The following SYTL3 variants were observed in gnomAD, a reference collection of about 807,000 sequenced individuals.
SYTL3 encodes the protein synaptotagmin-like protein 3.
In SYTL3, 88 loss-of-function variants were observed where a neutral mutation model predicts 82.1. That is an observed-to-expected ratio of 1.07 (90% CI 0.90 to 1.28). SYTL3 has a LOEUF of 1.28. Ranked by LOEUF, SYTL3 falls within the 50% of genes most tolerant of loss-of-function variation. SYTL3 has a pLI of 0.00. For missense variants in SYTL3, 831 were observed against 757.6 expected, an observed-to-expected ratio of 1.10 and a Z score of -1.14; for synonymous variants, 311 against 289.4, an observed-to-expected ratio of 1.07 and a Z score of -0.76.
intron 10 of SYTL3, among the ~76,000 whole-genome samples, chr6:158,722,824 C>T (rs903535520): frequency 1.5e-5 from 2 of 135,424 alleles, no homozygotes; most frequent in African/African-American, 2.9e-5. Flanking sequence ...AGACAGCGAG[C>T]GAACAGTCTG....
At chr6:158,749,505 CTCTTTTT>C (rs1314203969) in intron 12 of SYTL3, among the ~76,000 whole-genome samples, 2 of 94,314 alleles carry the variant, frequency 2.1e-5, no homozygotes, top group African/African-American at 7.9e-5. Context: ...TTTTCTTTCT[CTCTTTTT>C]TTTTTTTTTT....
intron 5 of SYTL3, among the ~76,000 whole-genome samples, chr6:158,672,374 T>A (rs942354208): frequency 6.6e-6 from 1 of 152,214 alleles, no homozygotes; most frequent in Non-Finnish European, 1.5e-5. Context: ...TCCGTGGTCT[T>A]CCTTCATGAG....
intron 2 of SYTL3, among the ~76,000 whole-genome samples, chr6:158,657,425 CAAAAAAAAAA>C (rs535361947): frequency 0.19 from 15,090 of 80,328 alleles, 932 homozygotes; most frequent in South Asian, 0.28. Context: ...GACTCTGGCT[CAAAAAAAAAA>C]AAAAAAAAAA....
At chr6:158,705,778 C>A (rs1175177782) in intron 6 of SYTL3, among the ~76,000 whole-genome samples, 1 of 151,582 alleles carries the variant, frequency 6.6e-6, no homozygotes, top group African/African-American at 2.4e-5. Context: ...AACAGGGTGA[C>A]AGTGATGGCT....
At chr6:158,718,468 T>C (rs1181221616) in intron 10 of SYTL3, among the ~76,000 whole-genome samples, 1 of 152,220 alleles carries the variant, frequency 6.6e-6, no homozygotes. Flanking sequence ...CTGAGGCTCC[T>C]CTGTGTCCAC....
chr6:158,751,405 G>A (rs1788365911), intron 12 of SYTL3, among the ~76,000 whole-genome samples: 1 of 152,192 alleles, frequency 6.6e-6, no homozygotes, highest in Non-Finnish European at 1.5e-5. Context: ...GAGTGCAGAT[G>A]GAGACATCTG....
intron 2 of SYTL3, among the ~76,000 whole-genome samples, chr6:158,656,724 CAA>C (rs762659950): frequency 7.3e-6 from 1 of 136,416 alleles, no homozygotes. Flanking sequence ...GACTCTGTCT[CAA>C]AAAAAAAAAA....
rs1349660698 is a variant in SYTL3 at position 158,661,282 on chromosome 6, T to TG, written c.-619dup. The TG allele has an allele frequency of 6.6e-6, 1 of 152,218 alleles. No homozygotes were observed. The highest frequency in any genetic ancestry group is 6.5e-5 in the Admixed American group (1 of 15,282). The allele number at this position is 152,218 out of a possible 1,614,324, so 9.4% of individuals were successfully genotyped here. ...CCTCTTTTCCAGAGACTCAGAGCCT[T>TG]GGGGCACTGAGGGATGCCAGTTCTG... On this transcript the variant is annotated 5_prime_UTR_variant, in exon 3 of 18. Coordinates refer to ENST00000611299, the MANE Select transcript of SYTL3 (RefSeq NM_001242394.2).
intron 6 of SYTL3, among the ~76,000 whole-genome samples, chr6:158,687,071 C>T (rs1338134234): frequency 6.6e-6 from 1 of 152,192 alleles, no homozygotes; most frequent in Non-Finnish European, 1.5e-5. Flanking sequence ...TGGTTTAAAC[C>T]ACAAAAGTGT....
intron 2 of SYTL3, among the ~76,000 whole-genome samples, chr6:158,653,361 C>T (rs558102512): frequency 2.6e-5 from 4 of 152,082 alleles, no homozygotes; most frequent in South Asian, 4.1e-4. Context: ...ACAAAATTAG[C>T]GGAGGATGGT....
At chr6:158,755,670 C>A (rs879878798) in intron 13 of SYTL3, among the ~76,000 whole-genome samples, 4 of 152,192 alleles carry the variant, frequency 2.6e-5, no homozygotes, top group Admixed American at 6.5e-5. Flanking sequence ...CATCTCGTTC[C>A]TCGATTGGAA....
chr6:158,667,276 A>T (rs57956115), intron 5 of SYTL3, among the ~76,000 whole-genome samples: 2 of 152,188 alleles, frequency 1.3e-5, no homozygotes, highest in Admixed American at 1.3e-4. Flanking sequence ...CAGGCACTGT[A>T]ACTTTACCCT....
chr6:158,722,946 A>G (rs1162922793), intron 10 of SYTL3, among the ~76,000 whole-genome samples: 4 of 150,426 alleles, frequency 2.7e-5, no homozygotes, highest in Non-Finnish European at 4.4e-5. Flanking sequence ...TTGTATTTTT[A>G]GTAGAGACAG....
intron 6 of SYTL3, among the ~76,000 whole-genome samples, chr6:158,694,451 C>G (rs1398643391): frequency 7.2e-5 from 11 of 151,920 alleles, no homozygotes; most frequent in Admixed American, 7.2e-4. Flanking sequence ...CACACCACCA[C>G]GCCCAGTTAG....
chr6:158,699,630 A>T (rs1241208545), intron 6 of SYTL3, among the ~76,000 whole-genome samples: 4 of 151,960 alleles, frequency 2.6e-5, no homozygotes, highest in African/African-American at 9.7e-5. Context: ...TGACTCACTT[A>T]TTCTTTTTTT....
intron 13 of SYTL3, 142 bp from the exon 14 acceptor site, chr6:158,757,069 C>T (rs986255729): frequency 5.8e-5 from 38 of 656,078 alleles, no homozygotes; most frequent in Middle Eastern, 5.0e-4. Flanking sequence ...TGGCTGCATC[C>T]GCATCTTGGA....
Position 158,751,910 on chromosome 6 carries a change from G to A in SYTL3, c.1035-18G>A, listed in dbSNP as rs748031735. 34 of 1,581,354 alleles carry A rather than the reference G, an allele frequency of 2.2e-5. No individual in the cohort carries two copies. Among genetic ancestry groups the A allele is most frequent in the South Asian group, 5.7e-5 (5 of 87,450 alleles). ...TTCCCTGAGTTCTCACTCTGTCCCC[G>A]CTGTGTTTGGCCCCTAGGTATGTGA... On this transcript the variant is annotated intron_variant, in intron 12 of 17. Transcript: ENST00000611299.
intron 11 of SYTL3, among the ~76,000 whole-genome samples, chr6:158,738,953 T>C (rs1786560754): frequency 6.6e-6 from 1 of 152,196 alleles, no homozygotes; most frequent in East Asian, 1.9e-4. Flanking sequence ...CCACTGCACC[T>C]AGCCCCTCAG....
intron 5 of SYTL3, 45 bp downstream of exon 5, chr6:158,665,658 C>CCTCCGAGACCT: frequency 7.0e-7 from 1 of 1,423,490 alleles, no homozygotes; most frequent in Non-Finnish European, 9.5e-7. Context: ...ATTCAGGTCT[C>CCTCCGAGACCT]GGAGGAGGCC....
Sources: allele counts gnomAD v4.1 joint callset (sites outside exome capture counted in the v4.1 genomes callset), GRCh38; gene constraint gnomAD v4.1.1; transcripts MANE v1.5; gene names NCBI Gene and HGNC (gene_info 2026-07-23, HGNC 2026-07-21).